ZNF521: variants seen among roughly 807,000 people sequenced by gnomAD.
ZNF521 encodes zinc finger protein 521, also known as LYST-interacting protein 3.
ZNF521 carries 14 observed loss-of-function variants against 105.5 expected under a neutral mutation model. That is an observed-to-expected ratio of 0.13 (90% CI 0.09 to 0.21). The LOEUF is 0.21. Ranked by LOEUF, ZNF521 falls within the 10% of genes least tolerant of loss-of-function variation. The pLI is 1.00. For synonymous variants in ZNF521, 635 were observed against 606.0 expected (o/e 1.05, Z -0.70); for missense variants, 1,233 against 1,629.7 (o/e 0.76, Z 4.19).
chr18:25,141,079 G>A (rs996087090), intron 5 of ZNF521, among the ~76,000 whole-genome samples: 1 of 152,112 alleles, frequency 6.6e-6, no homozygotes, highest in Non-Finnish European at 1.5e-5. Flanking sequence ...GAAGCAGATC[G>A]AAAGAAAAGA....
chr18:25,321,250 G>A (rs1019993727), intron 3 of ZNF521, among the ~76,000 whole-genome samples: 3 of 152,166 alleles, frequency 2.0e-5, no homozygotes, highest in African/African-American at 7.2e-5. Context: ...CCCTACCCAG[G>A]CTCAGAGATG....
At chr18:25,079,909 A>G (rs1424281049) in intron 7 of ZNF521, among the ~76,000 whole-genome samples, 2 of 152,242 alleles carry the variant, frequency 1.3e-5, no homozygotes, top group African/African-American at 4.8e-5. Flanking sequence ...GTAGCCTTTT[A>G]TATGTCTAGA....
intron 1 of ZNF521, 69 bp from the exon 2 acceptor site, chr18:25,351,016 G>C: frequency 7.7e-7 from 1 of 1,302,748 alleles, no homozygotes; most frequent in Non-Finnish European, 1.0e-6. Flanking sequence ...GTGGCCGCGC[G>C]CCCCTCGGGC....
At chr18:25,298,786 T>G (rs1288962429) in intron 3 of ZNF521, among the ~76,000 whole-genome samples, 3 of 152,216 alleles carry the variant, frequency 2.0e-5, no homozygotes, top group Non-Finnish European at 4.4e-5. Flanking sequence ...CATCTTATAC[T>G]GTGAAAATTG....
At chr18:25,221,494 G>C (rs954395429) in intron 4 of ZNF521, among the ~76,000 whole-genome samples, 4 of 152,066 alleles carry the variant, frequency 2.6e-5, no homozygotes, top group Non-Finnish European at 5.9e-5. Flanking sequence ...ATCTAACCTT[G>C]TTCTTGACCA....
At chr18:25,215,558 A>G (rs1160409613) in intron 4 of ZNF521, among the ~76,000 whole-genome samples, 2 of 152,240 alleles carry the variant, frequency 1.3e-5, no homozygotes, top group African/African-American at 4.8e-5. Flanking sequence ...AGATGATTCC[A>G]AAGTCCTTTG....
intron 5 of ZNF521, among the ~76,000 whole-genome samples, chr18:25,100,084 C>G (rs1017964845): frequency 6.7e-6 from 1 of 150,326 alleles, no homozygotes; most frequent in Non-Finnish European, 1.5e-5. Flanking sequence ...TTCTTTTTTT[C>G]TTTCTTTCTT....
chr18:25,116,734 A>G (rs932142157), intron 5 of ZNF521, among the ~76,000 whole-genome samples: 3 of 151,768 alleles, frequency 2.0e-5, no homozygotes, highest in Non-Finnish European at 4.4e-5. Flanking sequence ...TAAAAAAAAC[A>G]TATTTTATAC....
rs766462455 is a variant in ZNF521, at chr18:25,225,857, A to C, written c.2061T>G (p.Phe687Leu). The C allele has an allele frequency of 6.2e-7, 1 of 1,614,226 alleles. No individual in the cohort carries two copies. The highest frequency in any genetic ancestry group is 8.5e-7 in the Non-Finnish European group (1 of 1,180,032). ...AGATGTAATACGTTGAAGTGATCAT[A>C]AAGTGAATGGTAACATGCTTCAGCA... ...ESLLKHVTIH[F>L]MITSTYYICE... Residue 687 changes from phenylalanine (F) to leucine (L), a missense_variant, in exon 4 of 8, where the codon TTT (phenylalanine) becomes TTG (leucine). By Grantham distance (22) the Phe-to-Leu change is conservative (BLOSUM62 0). Around this residue, in one of 6 missense-constraint regions of ZNF521, gnomAD observed 614 missense variants for 751.5 expected, o/e 0.82. Coordinates refer to ENST00000361524, the MANE Select transcript of ZNF521 (RefSeq NM_015461.3). This position sits in a 1 kb window ranked among gnomAD's most constrained non-coding sequence, Gnocchi z 5.6.
At position 25,224,630 on chromosome 18, in the gene ZNF521, G is replaced by A. The variant is rs148321586; in HGVS notation, c.3288C>T (p.Cys1096=). The A allele has an allele frequency of 2.6e-4, 412 of 1,614,108 alleles. No individual in the cohort carries two copies. The highest frequency in any genetic ancestry group is 4.0e-4 in the Admixed American group (24 of 60,016). Residue 1096 remains cysteine (C), a synonymous_variant, in exon 4 of 8, where the codon TGC becomes TGT. Transcript: ENST00000361524. ...GGCTGGCGCTCTTACTGAGATTCAC[G>A]CAGCCGGCACACAGACCATATGGCA... is the stretch of plus-strand genomic sequence containing the variant. ...NGLPYGLCAG[C]VNLSKSASPG...
At chr18:25,256,955 G>C (rs946758385) in intron 3 of ZNF521, among the ~76,000 whole-genome samples, 1 of 152,112 alleles carries the variant, frequency 6.6e-6, no homozygotes, top group Non-Finnish European at 1.5e-5. Flanking sequence ...TTCAATAAAG[G>C]CACCACAGAT....
At chr18:25,071,120 G>C (rs2033211037) in intron 7 of ZNF521, among the ~76,000 whole-genome samples, 1 of 152,118 alleles carries the variant, frequency 6.6e-6, no homozygotes, top group South Asian at 2.1e-4. Context: ...ATGCTACTTT[G>C]TCTTCATTAT....
intron 5 of ZNF521, among the ~76,000 whole-genome samples, chr18:25,186,654 C>G (rs80177088): frequency 0.061 from 9,289 of 152,050 alleles, 662 homozygotes; most frequent in African/African-American, 0.18. Context: ...AAATAACAGA[C>G]CGATAGCTAA....
chr18:25,065,722 T>C (rs2033041596), intron 7 of ZNF521, among the ~76,000 whole-genome samples: 1 of 152,084 alleles, frequency 6.6e-6, no homozygotes, highest in Non-Finnish European at 1.5e-5. Context: ...ATTCTAGGGG[T>C]TAGTAAAAGA....
intron 3 of ZNF521, chr18:25,315,678 T>C (rs1291906517): frequency 2.0e-5 from 3 of 152,192 alleles, no homozygotes; most frequent in Non-Finnish European, 4.4e-5. Context: ...TTCTTCTGTA[T>C]TTGACCTTCA....
rs1704548721 is a variant in ZNF521 at position 25,149,901 on chromosome 18, A to C, written c.3658+45259T>G. The stretch of plus-strand genomic sequence containing the variant: ...ATATCAGATATGCTCTGAGCAGAAA[A>C]AATTCTGAGAACCACCCCTCTACAG... On this transcript the variant is annotated intron_variant, in intron 5 of 7. Coordinates refer to ENST00000361524, the MANE Select transcript of ZNF521 (RefSeq NM_015461.3). Among the ~76,000 whole-genome samples the C allele has an allele frequency of 3.9e-5, 6 of 152,170 alleles. No individual in the cohort carries two copies. In the South Asian group the frequency reaches 1.2e-3, roughly 32 times the overall value.
chr18:25,087,019 C>G (rs369737951), intron 7 of ZNF521, among the ~76,000 whole-genome samples: 2 of 152,096 alleles, frequency 1.3e-5, no homozygotes, highest in South Asian at 4.1e-4. Context: ...CAAGAGGGTA[C>G]AGTGAAGTTT....
intron 3 of ZNF521, among the ~76,000 whole-genome samples, chr18:25,285,275 G>A (rs746461664): frequency 7.0e-4 from 106 of 152,198 alleles, no homozygotes; most frequent in Admixed American, 7.8e-4. Flanking sequence ...TCAGGCATTC[G>A]GAGAGAACCC....
chr18:25,183,816 T>C (rs570592750), intron 5 of ZNF521, among the ~76,000 whole-genome samples: 2 of 152,220 alleles, frequency 1.3e-5, no homozygotes, highest in South Asian at 2.1e-4. Context: ...ATAAATGTGG[T>C]TAGAGAACCT....
Sources: gnomAD v4.1 joint callset for allele counts (sites outside exome capture counted in the v4.1 genomes callset) on GRCh38, gnomAD v4.1.1 for gene constraint, gnomAD v4.1.1 regional missense constraint, Gnocchi (gnomAD v3.1) non-coding constraint, MANE v1.5 for transcripts, NCBI Gene and HGNC (gene_info 2026-07-23, HGNC 2026-07-21) for gene names.